The following LPA variants were observed in gnomAD, a reference collection of about 807,000 sequenced individuals.
LPA encodes the protein lipoprotein(a), also known as apolipoprotein(a).
LPA carries 199 observed loss-of-function variants against 197.9 expected under a neutral mutation model. The observed-to-expected ratio is 1.01, with a 90% CI of 0.90 to 1.13. LPA has a LOEUF of 1.13. Ranked by LOEUF, LPA falls within the 50% of genes most tolerant of loss-of-function variation. LPA has a pLI of 0.00. For missense variants in LPA, 1,853 were observed against 1,785.8 expected, an observed-to-expected ratio of 1.04 and a Z score of -0.68; for synonymous variants, 715 against 639.5, an observed-to-expected ratio of 1.12 and a Z score of -1.78.
At chr6:160,663,198 T>C (rs1186268607) in intron 1 of LPA, among the ~76,000 whole-genome samples, 1 of 152,230 alleles carries the variant, frequency 6.6e-6, no homozygotes, top group Admixed American at 6.5e-5. Flanking sequence ...ACCAGACTTC[T>C]CTCTTCTTAA....
chr6:160,602,845 G>A (rs1779270137), intron 18 of LPA, among the ~76,000 whole-genome samples: 1 of 152,084 alleles, frequency 6.6e-6, no homozygotes, highest in Non-Finnish European at 1.5e-5. Flanking sequence ...GGGTTCCAGT[G>A]TTTCTGATGA....
Position 160,536,048 on chromosome 6 carries a change from C to T in LPA, c.5842+1807G>A, listed in dbSNP as rs1777889697. The stretch of plus-strand genomic sequence containing the variant: ...CCAACATGGAACAATTGGTGCAGGT[C>T]AGAGCCAGTCAGTGATGGGTTCAGG... On this transcript the variant is annotated intron_variant, in intron 37 of 38. Coordinates refer to ENST00000316300, the MANE Select transcript of LPA (RefSeq NM_005577.4). Among the ~76,000 whole-genome samples, 4 of 152,178 alleles carry T rather than the reference C, an allele frequency of 2.6e-5. No individual in the cohort carries two copies. In the South Asian group the frequency reaches 8.3e-4, roughly 32 times the overall value.
At chr6:160,657,704 A>T (rs747135446) in intron 1 of LPA, among the ~76,000 whole-genome samples, 2 of 152,030 alleles carry the variant, frequency 1.3e-5, no homozygotes, top group African/African-American at 2.4e-5. Flanking sequence ...GCCCTATCAG[A>T]ACCTTTTCTA....
Position 160,531,825 on chromosome 6 carries a change from A to C in LPA, c.6027T>G (p.Ser2009=). Residue 2009 remains serine (S), a synonymous_variant, in exon 39 of 39, where the codon TCT becomes TCG. Coordinates refer to ENST00000316300, the MANE Select transcript of LPA (RefSeq NM_005577.4). Reference sequence around the variant, plus strand: ...TGGGGCGTGCACAGCCAAGACCCCAAGAAGTGACTCCTTGTAAAATGTATT... The same window carrying C: ...TGGGGCGTGCACAGCCAAGACCCCACGAAGTGACTCCTTGTAAAATGTATT... ...KDKYILQGVT[S]WGLGCARPNK... 1 of 1,614,146 alleles carries C rather than the reference A, an allele frequency of 6.2e-7. No individual in the cohort carries two copies. Among genetic ancestry groups the C allele is most frequent in the South Asian group, 1.1e-5 (1 of 91,086 alleles).
chr6:160,598,813 A>G (rs1779179943), intron 20 of LPA, among the ~76,000 whole-genome samples: 1 of 152,220 alleles, frequency 6.6e-6, no homozygotes, highest in Non-Finnish European at 1.5e-5. Flanking sequence ...ATGTGCAAGT[A>G]TCAATTCCCT....
intron 23 of LPA, 140 bp from the exon 24 acceptor site, chr6:160,589,852 T>A (rs1390573924): frequency 1.1e-6 from 1 of 935,970 alleles, no homozygotes; most frequent in African/African-American, 1.6e-5. Flanking sequence ...CAGATGGACA[T>A]GCCAATAACA....
intron 28 of LPA, among the ~76,000 whole-genome samples, chr6:160,570,523 A>G (rs1778544291): frequency 6.6e-6 from 1 of 152,210 alleles, no homozygotes. Context: ...ATTAGGAGAT[A>G]TACCTAATGT....
rs376480107 is a variant in LPA at position 160,586,486 on chromosome 6, C to A, written c.4092G>T (p.Val1364=). ...MESTLLTTPT[V]VPVPSTELPS... ...GAAGCTCTGTGCTTGGAACTGGGAC[C>A]ACCGTGGGAGTTGTGAGGAGAGTTG... is the stretch of plus-strand genomic sequence containing the variant. The change falls in exon 25 of 39, where the codon GTG becomes GTT. Residue 1364 remains valine, a synonymous_variant. Transcript: ENST00000316300. The A allele has an allele frequency of 9.3e-6, 15 of 1,613,736 alleles. No homozygotes were observed. The African/African-American group carries it at 1.1e-4, about 11-fold the overall frequency.
chr6:160,564,123 A>G (rs1414296654), intron 28 of LPA, among the ~76,000 whole-genome samples: 2 of 152,104 alleles, frequency 1.3e-5, no homozygotes, highest in Admixed American at 6.5e-5. Flanking sequence ...CTAGCTGGCT[A>G]TTTTGCCCAT....
chr6:160,547,268 A>G (rs1363639489), intron 32 of LPA, among the ~76,000 whole-genome samples: 1 of 152,168 alleles, frequency 6.6e-6, no homozygotes, highest in African/African-American at 2.4e-5. Context: ...ATCAGGCATT[A>G]GATTCTCATA....
In LPA at chr6:160,650,536, TAGAAC is replaced by T. The variant is rs780393922; in HGVS notation, c.50-44_50-40del. The T allele has an allele frequency of 5.7e-5, 92 of 1,604,194 alleles. No individual in the cohort carries two copies. The African/African-American group carries it at 1.2e-3, about 20-fold the overall frequency. On this transcript the variant is annotated intron_variant, in intron 1 of 38. Transcript: ENST00000316300. ...AGAAGAAATCAAGCTGAATAGTTCT[TAGAAC>T]AGAAAAAAATGTGAAGTCATTTATG...
intron 24 of LPA, among the ~76,000 whole-genome samples, chr6:160,587,579 T>C (rs1778934808): frequency 6.6e-6 from 1 of 152,288 alleles, no homozygotes; most frequent in African/African-American, 2.4e-5. Flanking sequence ...TTCTTGACTA[T>C]GAGTTTCTTG....
In LPA at chr6:160,553,217, T is replaced by TA. The variant is rs1386180952; in HGVS notation, c.4973+2807dup. Among the ~76,000 whole-genome samples, 3 of 152,308 alleles carry TA rather than the reference T, an allele frequency of 2.0e-5. No individual in the cohort carries two copies. The East Asian group carries it at 5.8e-4, about 29-fold the overall frequency. ...TCACAAATTGTCCTTTAAATACATT[T>TA]AAAAATTAGATAAATAAGAGTATTT... On this transcript the variant is annotated intron_variant, in intron 30 of 38. Coordinates refer to ENST00000316300, the MANE Select transcript of LPA (RefSeq NM_005577.4).
intron 30 of LPA, among the ~76,000 whole-genome samples, chr6:160,553,572 T>C (rs548906110): frequency 1.3e-5 from 2 of 152,358 alleles, no homozygotes; most frequent in African/African-American, 4.8e-5. Context: ...CATCGGTCAC[T>C]TTCATTACTG....
Position 160,535,427 on chromosome 6 carries a change from T to C in LPA, c.5842+2428A>G, listed in dbSNP as rs1777875735. Among the ~76,000 whole-genome samples the C allele has an allele frequency of 3.1e-5, 3 of 97,294 alleles. No homozygotes were observed. In the South Asian group the frequency reaches 1.2e-3, roughly 37 times the overall value. The allele number at this position is 97,294 out of a possible 152,430, so 63.8% of individuals were successfully genotyped here. ...AGTAGTGGGACAGTGGTGATGGTGA[T>C]GGTGGTAGTAGTGGTAGTGGTAGTA... On this transcript the variant is annotated intron_variant, in intron 37 of 38. Transcript: ENST00000316300.
At chr6:160,543,026 A>T (rs192278329) in intron 33 of LPA, among the ~76,000 whole-genome samples, 119 of 152,332 alleles carry the variant, frequency 7.8e-4, no homozygotes, top group Admixed American at 3.0e-3. Flanking sequence ...GTTCTTTCTA[A>T]ACCATGTAAA....
intron 16 of LPA, among the ~76,000 whole-genome samples, chr6:160,607,070 C>T (rs1779371082): frequency 6.6e-6 from 1 of 151,920 alleles, no homozygotes; most frequent in Non-Finnish European, 1.5e-5. Flanking sequence ...GTATCTCTCT[C>T]GGTAGGACTT....
At chr6:160,563,371 G>T (rs531109133) in intron 28 of LPA, among the ~76,000 whole-genome samples, 1 of 152,316 alleles carries the variant, frequency 6.6e-6, no homozygotes, top group Non-Finnish European at 1.5e-5. Flanking sequence ...ATATAGTTGT[G>T]TGGTTTTGAG....
chr6:160,555,436 C>CATATATATATATATATATATAT (rs770158265), intron 30 of LPA, among the ~76,000 whole-genome samples: 226 of 121,886 alleles, frequency 1.9e-3, no homozygotes, highest in South Asian at 0.01. Context: ...TTCCCTAGAA[C>CATATATATATATATATATATAT]ATATATATAT....
Sources: gnomAD v4.1 joint callset for allele counts (sites outside exome capture counted in the v4.1 genomes callset) on GRCh38, gnomAD v4.1.1 for gene constraint, MANE v1.5 for transcripts, NCBI Gene and HGNC (gene_info 2026-07-23, HGNC 2026-07-21) for gene names.